PDE4B: variants seen among roughly 807,000 people sequenced by gnomAD.
The protein encoded by PDE4B is phosphodiesterase 4B, also known as 3',5'-cyclic-AMP phosphodiesterase 4B.
In PDE4B, 20 loss-of-function variants were observed where a neutral mutation model predicts 82.2. The observed-to-expected ratio is 0.24, with a 90% confidence interval of 0.17 to 0.35. PDE4B has a LOEUF of 0.35. Ranked by LOEUF, PDE4B falls within the 10% of genes least tolerant of loss-of-function variation. The probability of loss-of-function intolerance (pLI) is 1.00; values close to 1 mark genes in which losing one functional copy is unlikely to be tolerated. For missense variants in PDE4B, 655 were observed against 907.2 expected, an observed-to-expected ratio of 0.72 and a Z score of 3.57; for synonymous variants, 320 against 318.9, an observed-to-expected ratio of 1.00 and a Z score of -0.04.
intron 3 of PDE4B, among the ~76,000 whole-genome samples, chr1:66,016,002 A>T (rs2100752826): frequency 6.6e-6 from 1 of 152,306 alleles, no homozygotes; most frequent in East Asian, 1.9e-4. Flanking sequence ...CAAAATGCTT[A>T]TGTTTAGGAG....
intron 3 of PDE4B, among the ~76,000 whole-genome samples, chr1:66,015,937 T>C (rs1440047133): frequency 6.6e-6 from 1 of 152,198 alleles, no homozygotes; most frequent in Non-Finnish European, 1.5e-5. Flanking sequence ...AATAATTTTC[T>C]ATATTCTAGG....
intron 3 of PDE4B, among the ~76,000 whole-genome samples, chr1:65,976,510 G>A (rs1650415345): frequency 6.6e-6 from 1 of 152,140 alleles, no homozygotes; most frequent in South Asian, 2.1e-4. Context: ...AGGCATGATT[G>A]GTTTTGAAAT....
intron 3 of PDE4B, among the ~76,000 whole-genome samples, chr1:65,987,068 G>C (rs996620443): frequency 2.0e-5 from 3 of 152,178 alleles, no homozygotes; most frequent in African/African-American, 7.2e-5. Context: ...ACTGCAGTTG[G>C]AGATGGGGAA....
At chr1:65,943,615 A>G (rs1648554599) in intron 3 of PDE4B, among the ~76,000 whole-genome samples, 1 of 151,986 alleles carries the variant, frequency 6.6e-6, no homozygotes, top group African/African-American at 2.4e-5. Flanking sequence ...TAACAATATG[A>G]ATTCTTCAAA....
chr1:66,347,226 A>G (rs1000220262), intron 8 of PDE4B, among the ~76,000 whole-genome samples: 4 of 152,194 alleles, frequency 2.6e-5, no homozygotes, highest in Admixed American at 1.3e-4. Flanking sequence ...TGTTCAAAGC[A>G]TCTCTCCATC....
chr1:65,913,117 G>T, intron 1 of PDE4B, 128 bp from the exon 2 acceptor site: 1 of 447,638 alleles, frequency 2.2e-6, no homozygotes, highest in Non-Finnish European at 4.0e-6. Context: ...TAATTGGCTT[G>T]GGAAATTATG....
chr1:66,123,206 A>G (rs1645749078), intron 3 of PDE4B, among the ~76,000 whole-genome samples: 1 of 152,190 alleles, frequency 6.6e-6, no homozygotes, highest in South Asian at 2.1e-4. Flanking sequence ...GATTTTAACA[A>G]GAGAAAATGG....
intron 3 of PDE4B, among the ~76,000 whole-genome samples, chr1:65,931,143 T>C (rs570351234): frequency 5.3e-5 from 8 of 152,318 alleles, no homozygotes; most frequent in African/African-American, 1.7e-4. Flanking sequence ...CTCTCTCTTC[T>C]TCCTGCTCCA....
intron 3 of PDE4B, among the ~76,000 whole-genome samples, chr1:65,944,873 A>G (rs561360517): frequency 6.6e-6 from 1 of 152,084 alleles, no homozygotes; most frequent in South Asian, 2.1e-4. Flanking sequence ...AACATGATAA[A>G]TATACCACTC....
intron 8 of PDE4B, among the ~76,000 whole-genome samples, chr1:66,338,708 A>T (rs1353278485): frequency 6.6e-6 from 1 of 152,132 alleles, no homozygotes; most frequent in Non-Finnish European, 1.5e-5. Flanking sequence ...TTCTCAAAAT[A>T]AAAAGGGAAA....
At chr1:66,283,324 C>G (rs1238336460) in intron 7 of PDE4B, among the ~76,000 whole-genome samples, 3 of 151,710 alleles carry the variant, frequency 2.0e-5, no homozygotes, top group Non-Finnish European at 4.4e-5. Flanking sequence ...GAGGAAAGAC[C>G]AAATACATCA....
At chr1:66,159,218 T>G (rs575121008) in intron 3 of PDE4B, among the ~76,000 whole-genome samples, 8 of 152,152 alleles carry the variant, frequency 5.3e-5, no homozygotes, top group African/African-American at 1.7e-4. Flanking sequence ...GCACAGTTAT[T>G]AGAGGTCATT....
intron 3 of PDE4B, among the ~76,000 whole-genome samples, chr1:66,189,320 C>T (rs1322545845): frequency 6.6e-6 from 1 of 152,038 alleles, no homozygotes; most frequent in Non-Finnish European, 1.5e-5. Context: ...CTTGGAGTTG[C>T]TCTTCTCGAG....
intron 3 of PDE4B, among the ~76,000 whole-genome samples, chr1:66,034,846 A>G (rs1653982587): frequency 6.6e-6 from 1 of 152,080 alleles, no homozygotes; most frequent in Non-Finnish European, 1.5e-5. Flanking sequence ...CTTACCATTC[A>G]GTTTCTCCCA....
At chr1:66,363,812 A>G (rs973394506) in intron 12 of PDE4B, among the ~76,000 whole-genome samples, 1 of 152,170 alleles carries the variant, frequency 6.6e-6, no homozygotes, top group African/African-American at 2.4e-5. Flanking sequence ...CTTACAATAT[A>G]CAATATACTT....
At chr1:66,315,319 A>G (rs547192021) in intron 7 of PDE4B, among the ~76,000 whole-genome samples, 1 of 152,382 alleles carries the variant, frequency 6.6e-6, no homozygotes, top group South Asian at 2.1e-4. Context: ...TATTAAACAT[A>G]GAAGTTATTT....
intron 7 of PDE4B, among the ~76,000 whole-genome samples, chr1:66,285,803 G>T (rs1477385773): frequency 1.3e-5 from 2 of 152,050 alleles, no homozygotes; most frequent in African/African-American, 4.8e-5. Flanking sequence ...AATGCTGCAG[G>T]CAGGAAGTAA....
Position 65,841,289 on chromosome 1 carries a change from C to T in PDE4B, c.-71+48041C>T, listed in dbSNP as rs367959660. On this transcript the variant is annotated intron_variant, in intron 1 of 16. Transcript: ENST00000341517. ...ATTCACTCCAGCCTGGGTGATAGAG[C>T]GAGACTCTGCCTTCAAAGAAGGAAA... is the stretch of plus-strand genomic sequence containing the variant. Among the ~76,000 whole-genome samples, 18 of 145,798 alleles carry T rather than the reference C, an allele frequency of 1.2e-4. No homozygotes were observed. In the East Asian group the frequency reaches 3.0e-3, roughly 24 times the overall value.
chr1:66,098,995 G>C (rs1439312611), intron 3 of PDE4B, among the ~76,000 whole-genome samples: 1 of 152,022 alleles, frequency 6.6e-6, no homozygotes, highest in East Asian at 1.9e-4. Context: ...TCCTGGCTTG[G>C]TGAAAATCTT....
Sources: allele counts gnomAD v4.1 joint callset (sites outside exome capture counted in the v4.1 genomes callset), GRCh38; gene constraint gnomAD v4.1.1; transcripts MANE v1.5; gene names NCBI Gene and HGNC (gene_info 2026-07-23, HGNC 2026-07-21).